The following ICMT variants were observed in gnomAD, a reference collection of about 807,000 sequenced individuals.
ICMT encodes protein-S-isoprenylcysteine O-methyltransferase.
In ICMT, 10 loss-of-function variants were observed where a neutral mutation model predicts 32.2. The ratio of observed to expected loss-of-function variants is 0.31; its 90% confidence interval spans 0.19 to 0.53. The LOEUF is 0.53. Among genes scored for constraint, ICMT ranks in the 20% least tolerant of loss-of-function variants. The pLI is 0.96. For synonymous variants in ICMT, 183 were observed against 158.2 expected (o/e 1.16, Z -1.18); for missense variants, 265 against 356.9 (o/e 0.74, Z 2.07).
intron 1 of ICMT, 80 bp downstream of exon 1, chr1:6,235,637 G>T: frequency 1.0e-6 from 1 of 976,136 alleles, no homozygotes; most frequent in South Asian, 4.8e-5. Context: ...TGCGGGCCCG[G>T]GGAGAAAGGT....
At chr1:6,235,075 G>C in intron 1 of ICMT, 101 bp from the exon 2 acceptor site, 1 of 884,076 alleles carries the variant, frequency 1.1e-6, no homozygotes, top group Non-Finnish European at 1.8e-6. Context: ...CAAGCAGATA[G>C]AGCCGATTTG....
rs1571221921 is a variant in ICMT at position 6,223,701 on chromosome 1, G to A, written c.*1379C>T. 6.6e-6 allele frequency: 1 copy of A among 152,208 alleles called. No homozygotes were observed. The highest frequency in any genetic ancestry group is 6.5e-5 in the Admixed American group (1 of 15,282). The allele number at this position is 152,208 out of a possible 1,614,324, so 9.4% of individuals were successfully genotyped here. A position where few individuals can be genotyped will look rare whatever the true frequency, so the allele number is the denominator to read the frequency against. On this transcript the variant is annotated 3_prime_UTR_variant, in exon 5 of 5. Transcript: ENST00000343813. ...ACACCCCTGTGAGGTAGGTGGTATT[G>A]ACCCCATTCCACAGATGGGGAGGTC... is the stretch of plus-strand genomic sequence containing the variant.
intron 4 of ICMT, among the ~76,000 whole-genome samples, chr1:6,231,517 G>T (rs1200315843): frequency 6.6e-6 from 1 of 151,240 alleles, no homozygotes; most frequent in Non-Finnish European, 1.5e-5. Context: ...GACCTGCCCA[G>T]GCAACACAGT....
At chr1:6,228,750 G>A (rs1571224606) in intron 4 of ICMT, among the ~76,000 whole-genome samples, 1 of 152,208 alleles carries the variant, frequency 6.6e-6, no homozygotes, top group East Asian at 1.9e-4. Flanking sequence ...ATGCGGGTTG[G>A]ATGCAGTGGC....
At chr1:6,229,679 A>G (rs1259358294) in intron 4 of ICMT, among the ~76,000 whole-genome samples, 1 of 151,826 alleles carries the variant, frequency 6.6e-6, no homozygotes, top group Non-Finnish European at 1.5e-5. Flanking sequence ...CTTGAGCCCA[A>G]GAGGTAGAGG....
At chr1:6,227,977 G>A (rs1668671373) in intron 4 of ICMT, among the ~76,000 whole-genome samples, 1 of 151,938 alleles carries the variant, frequency 6.6e-6, no homozygotes, top group Admixed American at 6.6e-5. Context: ...AAATCTGCCT[G>A]GGCAACACTA....
chr1:6,235,782 G>A lies in ICMT; in HGVS notation c.130C>T (p.Leu44=). The A allele has an allele frequency of 7.5e-7, 1 of 1,335,002 alleles. No individual in the cohort carries two copies. Among genetic ancestry groups the A allele is most frequent in the Non-Finnish European group, 9.7e-7 (1 of 1,034,346 alleles). The allele number at this position is 1,335,002 out of a possible 1,614,324, so 82.7% of individuals were successfully genotyped here. ...TRAGLQGRTG[L]ALYVAGLNAL... ...TTGAGCCCGGCCACGTAGAGCGCCA[G>A]CCCGGTGCGGCCCTGCAGGCCGGCG... Residue 44 remains leucine, a synonymous_variant, in exon 1 of 5, where the codon CTG becomes TTG. Coordinates refer to ENST00000343813, the MANE Select transcript of ICMT (RefSeq NM_012405.4).
rs533158820 is a variant in ICMT, at chr1:6,231,935, G to A, written c.639C>T (p.Tyr213=). 6.0e-5 allele frequency: 95 copies of A among 1,593,296 alleles called. 1 individual carries two copies. In the South Asian group the frequency reaches 6.2e-4, roughly 10 times the overall value. ...GVYAWFRHPS[Y]VGWFYWSIGT... ...CAATACTCCAGTAAAACCACCCGAC[G>A]TAAGAAGGATGCCGAAACCAAGCGT... Residue 213 remains tyrosine (Y), a synonymous_variant, in exon 4 of 5, where the codon TAC becomes TAT. Transcript: ENST00000343813.
Position 6,223,539 on chromosome 1 carries a change from T to G in ICMT, c.*1541A>C, listed in dbSNP as rs1668594397. ...AGTTGATAAAATGCTTTTCTGAACA[T>G]ACATTTTAGGTATCTGGCACAATTA... On this transcript the variant is annotated 3_prime_UTR_variant, in exon 5 of 5. Transcript: ENST00000343813. The G allele has an allele frequency of 6.6e-6, 1 of 152,416 alleles. No individual in the cohort carries two copies. The highest frequency in any genetic ancestry group is 2.1e-4 in the South Asian group (1 of 4,836). 9.4% of individuals were successfully genotyped at this position (152,416 alleles called of 1,614,324 possible).
chr1:6,226,834 C>A (rs1282247107), intron 4 of ICMT, among the ~76,000 whole-genome samples: 1 of 152,206 alleles, frequency 6.6e-6, no homozygotes, highest in Non-Finnish European at 1.5e-5. Context: ...CCTCAGCTTC[C>A]AGAGTAGGGG....
chr1:6,231,837 T>C, intron 4 of ICMT, 65 bp downstream of exon 4: 3 of 998,182 alleles, frequency 3.0e-6, no homozygotes, highest in Non-Finnish European at 4.4e-6. Context: ...GCTACGTGAA[T>C]ATCACGTTTA....
Position 6,235,951 on chromosome 1 carries a change from T to TAGCCCGGAGACACGCGCCGGCTGC in ICMT, c.-41_-40insGCAGCCGGCGCGTGTCTCCGGGCT. 9.7e-7 allele frequency: 1 copy of TAGCCCGGAGACACGCGCCGGCTGC among 1,026,546 alleles called. No homozygotes were observed. Among genetic ancestry groups the TAGCCCGGAGACACGCGCCGGCTGC allele is most frequent in the Non-Finnish European group, 1.2e-6 (1 of 842,388 alleles). 63.6% of individuals were successfully genotyped at this position (1,026,546 alleles called of 1,614,324 possible). A position where few individuals can be genotyped will look rare whatever the true frequency, so the allele number is the denominator to read the frequency against. On this transcript the variant is annotated 5_prime_UTR_variant, in exon 1 of 5. Coordinates refer to ENST00000343813, the MANE Select transcript of ICMT (RefSeq NM_012405.4). ...GACTAGCGGGCGGCGGCGCCGGCTGTAGCCCGGAGAAACGCGCCGGCTGCG... is the reference window on the plus strand; with the variant it reads ...GACTAGCGGGCGGCGGCGCCGGCTGTAGCCCGGAGACACGCGCCGGCTGCAGCCCGGAGAAACGCGCCGGCTGCG...
intron 4 of ICMT, among the ~76,000 whole-genome samples, chr1:6,228,962 G>A (rs375935928): frequency 9.9e-5 from 15 of 151,934 alleles, no homozygotes; most frequent in Admixed American, 5.9e-4. Flanking sequence ...GAACCCGGGA[G>A]GTGGAGGTTG....
chr1:6,226,357 G>A (rs1668645066), intron 4 of ICMT, among the ~76,000 whole-genome samples: 1 of 152,106 alleles, frequency 6.6e-6, no homozygotes, highest in Admixed American at 6.6e-5. Flanking sequence ...GATCGCCACT[G>A]CATACCAGCC....
chr1:6,225,563 C>T (rs1668633391), intron 4 of ICMT, among the ~76,000 whole-genome samples: 1 of 152,084 alleles, frequency 6.6e-6, no homozygotes, highest in Admixed American at 6.6e-5. Context: ...GTGTGAGCTC[C>T]CCAACATGAG....
chr1:6,229,768 CATAA>C (rs1463957360), intron 4 of ICMT, among the ~76,000 whole-genome samples: 2 of 134,366 alleles, frequency 1.5e-5, no homozygotes, highest in Admixed American at 8.4e-5. Context: ...AAAAACCATA[CATAA>C]ATAAAAAAAA....
Position 6,232,132 on chromosome 1 carries a change from G to C in ICMT, c.455-13C>G. On this transcript the variant is annotated splice_polypyrimidine_tract_variant and intron_variant, in intron 3 of 4. Coordinates refer to ENST00000343813, the MANE Select transcript of ICMT (RefSeq NM_012405.4). Reference sequence around the variant, plus strand: ...ATCTGCTTCAGTTCTGTGGGAGAGAGACATCAACGACACACGGGGAGTGAA... The same window carrying C: ...ATCTGCTTCAGTTCTGTGGGAGAGACACATCAACGACACACGGGGAGTGAA... 1 of 1,598,402 alleles carries C rather than the reference G, an allele frequency of 6.3e-7. No individual in the cohort carries two copies.
Position 6,229,783 on chromosome 1 carries a change from TACACACACACAC to T in ICMT, c.672+2107_672+2118del, listed in dbSNP as rs34741419. On this transcript the variant is annotated intron_variant, in intron 4 of 4. Coordinates refer to ENST00000343813, the MANE Select transcript of ICMT (RefSeq NM_012405.4). ...AAAAACCATACATAAATAAAAAAAATACACACACACACACACACACACACACACACACACACA... is the reference window on the plus strand; with the variant it reads ...AAAAACCATACATAAATAAAAAAAATACACACACACACACACACACACACA... Among the ~76,000 whole-genome samples the T allele has an allele frequency of 9.9e-3, 1,459 of 146,642 alleles. 18 individuals carry two copies. Among genetic ancestry groups the T allele is most frequent in the African/African-American group, 0.027 (1,062 of 39,266 alleles).
chr1:6,230,731 TACAA>T (rs1196540327), intron 4 of ICMT, among the ~76,000 whole-genome samples: 2 of 146,910 alleles, frequency 1.4e-5, no homozygotes, highest in Non-Finnish European at 3.0e-5. Flanking sequence ...CTACTAAAAA[TACAA>T]ACAATTAGCC....
Sources: allele counts gnomAD v4.1 joint callset (sites outside exome capture counted in the v4.1 genomes callset), GRCh38; gene constraint gnomAD v4.1.1; transcripts MANE v1.5; gene names NCBI Gene and HGNC (gene_info 2026-07-23, HGNC 2026-07-21).